Variants in NCOR2 observed in about 807,000 individuals in gnomAD.
NCOR2 encodes the protein nuclear receptor corepressor 2.
In NCOR2, 81 loss-of-function variants were observed where a neutral mutation model predicts 262.9. The observed-to-expected ratio is 0.31, with a 90% CI of 0.26 to 0.37. The LOEUF is 0.37. NCOR2 is among the 10% of genes least tolerant of loss of function. NCOR2 has a pLI of 1.00. For missense variants in NCOR2, 3,385 were observed against 3,621.4 expected, an observed-to-expected ratio of 0.93 and a Z score of 1.68; for synonymous variants, 1,659 against 1,559.3, an observed-to-expected ratio of 1.06 and a Z score of -1.51.
At chr12:124,352,343 A>G (rs2037556899) in intron 27 of NCOR2, among the ~76,000 whole-genome samples, 1 of 152,176 alleles carries the variant, frequency 6.6e-6, no homozygotes, top group Admixed American at 6.6e-5. Context: ...AATGATTTAA[A>G]AAGGGGGGCT....
At chr12:124,374,536 G>T (rs2039834233) in intron 18 of NCOR2, 73 bp from the exon 21 acceptor site, 2 of 1,403,426 alleles carry the variant, frequency 1.4e-6, no homozygotes, top group Non-Finnish European at 2.0e-6. Flanking sequence ...GAGGCAACGT[G>T]GCCAAGAGGG....
Position 124,432,103 on chromosome 12 carries a change from C to A in NCOR2, c.883-1316G>T, listed in dbSNP as rs930402494. Among the ~76,000 whole-genome samples the A allele has an allele frequency of 6.6e-6, 1 of 151,124 alleles. No individual in the cohort carries two copies. The highest frequency in any genetic ancestry group is 1.5e-5 in the Non-Finnish European group (1 of 67,788). Reference sequence around the variant, plus strand: ...CAGGCAGACACACACACACGGTCATCCAGGCAGACATATGACAGACACACA... The same window carrying A: ...CAGGCAGACACACACACACGGTCATACAGGCAGACATATGACAGACACACA... On this transcript the variant is annotated intron_variant, in intron 8 of 46. Transcript: ENST00000405201. This position sits in a 1 kb window ranked among gnomAD's most constrained non-coding sequence, Gnocchi z 5.1.
chr12:124,509,661 C>T (rs1351027880), intron 1 of NCOR2, among the ~76,000 whole-genome samples: 1 of 152,144 alleles, frequency 6.6e-6, no homozygotes, highest in African/African-American at 2.4e-5. Context: ...AGGCCAGACT[C>T]AGTGTAGGGG....
chr12:124,404,855 C>T (rs1375204965), intron 13 of NCOR2, among the ~76,000 whole-genome samples: 1 of 152,236 alleles, frequency 6.6e-6, no homozygotes, highest in Non-Finnish European at 1.5e-5. Context: ...CTGCACCATG[C>T]CAAGTGCTTT....
At chr12:124,339,904 C>T in intron 37 of NCOR2, 102 bp downstream of exon 39, 1 of 776,828 alleles carries the variant, frequency 1.3e-6, no homozygotes, top group East Asian at 3.2e-5. Flanking sequence ...CCCACCCACC[C>T]ACCTCCCATA....
intron 17 of NCOR2, among the ~76,000 whole-genome samples, chr12:124,379,043 C>T (rs916329326): frequency 1.3e-5 from 2 of 152,262 alleles, no homozygotes; most frequent in African/African-American, 4.8e-5. Context: ...AAGGCAGGGG[C>T]TCCTCTGGAC....
intron 16 of NCOR2, among the ~76,000 whole-genome samples, chr12:124,395,715 G>T (rs918607506): frequency 3.9e-5 from 6 of 152,158 alleles, no homozygotes; most frequent in Non-Finnish European, 8.8e-5. Flanking sequence ...GGTGGTCACC[G>T]GTGAGGAGGT....
intron 13 of NCOR2, among the ~76,000 whole-genome samples, chr12:124,408,510 G>A (rs1565916316): frequency 6.6e-6 from 1 of 152,104 alleles, no homozygotes; most frequent in Non-Finnish European, 1.5e-5. Flanking sequence ...GCTTTGGGAG[G>A]GCCAGGCAGG....
chr12:124,375,663 G>T (rs978952744), intron 18 of NCOR2, among the ~76,000 whole-genome samples: 2 of 152,128 alleles, frequency 1.3e-5, no homozygotes, highest in Non-Finnish European at 2.9e-5. Flanking sequence ...CCCCAGTACC[G>T]GGCTGCCTGG....
chr12:124,453,244 C>T (rs114482325), intron 6 of NCOR2, among the ~76,000 whole-genome samples: 8,152 of 152,276 alleles, frequency 0.054, 475 homozygotes, highest in African/African-American at 0.15. Flanking sequence ...GAGGCACCTC[C>T]ACAGCCACAC....
At chr12:124,445,539 G>A (rs1044024330) in intron 7 of NCOR2, among the ~76,000 whole-genome samples, 3 of 152,190 alleles carry the variant, frequency 2.0e-5, no homozygotes, top group East Asian at 1.9e-4. Context: ...TTAAAGTGAC[G>A]GGGCAAGGTC....
rs748239892 is a variant in NCOR2, at chr12:124,426,818, G to A, written c.1150-18C>T. On this transcript the variant is annotated intron_variant, in intron 10 of 46. Transcript: ENST00000405201. ...TCCAGGTTCTGCAGGGAAACGGAGG[G>A]CAGGGTCAGAGGCCCAGGGACGAGG... The A allele has an allele frequency of 2.6e-6, 4 of 1,560,482 alleles. No individual in the cohort carries two copies. The East Asian group carries it at 9.2e-5, about 36-fold the overall frequency.
intron 6 of NCOR2, among the ~76,000 whole-genome samples, chr12:124,456,232 C>A (rs2045845918): frequency 6.6e-6 from 1 of 152,224 alleles, no homozygotes; most frequent in African/African-American, 2.4e-5. Flanking sequence ...CCTAGCCCAC[C>A]ATGCACACAG....
exon 21 of NCOR2, chr12:124,363,744 C>A: frequency 7.2e-7 from 1 of 1,397,840 alleles, no homozygotes; most frequent in Non-Finnish European, 9.4e-7. Context: ...TGGGGTGAGG[C>A]ATTGGCCCGG....
chr12:124,346,872 C>A (rs1212240429), intron 30 of NCOR2, 22 bp from the exon 33 acceptor site: 4 of 1,518,384 alleles, frequency 2.6e-6, no homozygotes, highest in Non-Finnish European at 1.8e-6. Flanking sequence ...ACAGCACTGA[C>A]CCTCACGCCC....
intron 43 of NCOR2, 106 bp downstream of exon 45, chr12:124,332,213 C>T (rs1593080693): frequency 1.7e-5 from 24 of 1,425,606 alleles, no homozygotes; most frequent in East Asian, 4.6e-5. Flanking sequence ...ACTTAGCTTT[C>T]GAAGGTGCAC....
At chr12:124,506,615 G>C (rs945025416) in intron 1 of NCOR2, among the ~76,000 whole-genome samples, 1 of 151,576 alleles carries the variant, frequency 6.6e-6, no homozygotes, top group African/African-American at 2.4e-5. Context: ...CTCCCCACTT[G>C]CGTACTTCAC....
rs1320756238 is a variant in NCOR2, at chr12:124,338,576, C to T, written c.5688-1396G>A. ...GTGTGACCCCACCCCCCTGGTGAAG[C>T]AGCTCTGCCCACAGTCTCTGGAGTG... On this transcript the variant is annotated intron_variant, in intron 37 of 46. Coordinates refer to ENST00000405201, the Ensembl canonical transcript of NCOR2. Among the ~76,000 whole-genome samples the T allele has an allele frequency of 2.6e-5, 4 of 151,398 alleles. No homozygotes were observed. The East Asian group carries it at 7.8e-4, about 29-fold the overall frequency.
intron 17 of NCOR2, chr12:124,383,539 A>G: frequency 1.6e-6 from 1 of 631,422 alleles, no homozygotes; most frequent in Non-Finnish European, 2.1e-6. Flanking sequence ...AACTCAAAAA[A>G]AAAAAAAGAG....
Sources: allele counts gnomAD v4.1 joint callset (sites outside exome capture counted in the v4.1 genomes callset), GRCh38; gene constraint gnomAD v4.1.1; non-coding constraint Gnocchi (gnomAD v3.1); transcripts MANE v1.5; gene names NCBI Gene and HGNC (gene_info 2026-07-23, HGNC 2026-07-21).